RNF13: variants seen among roughly 807,000 people sequenced by gnomAD.
RNF13 encodes the protein E3 ubiquitin-protein ligase RNF13.
RNF13 carries 19 observed loss-of-function variants against 37.7 expected under a neutral mutation model. The observed-to-expected ratio is 0.50, with a 90% CI of 0.35 to 0.74. The LOEUF (loss-of-function observed/expected upper bound fraction) is 0.74. Among genes scored for constraint, RNF13 ranks in the 30% least tolerant of loss-of-function variants. The pLI is 0.01. For missense variants in RNF13, 375 were observed against 453.0 expected, an observed-to-expected ratio of 0.83 and a Z score of 1.56; for synonymous variants, 144 against 157.8, an observed-to-expected ratio of 0.91 and a Z score of 0.65.
At chr3:149,861,953 A>G (rs1192942960) in intron 3 of RNF13, among the ~76,000 whole-genome samples, 8 of 152,166 alleles carry the variant, frequency 5.3e-5, no homozygotes, top group Non-Finnish European at 1.0e-4. Flanking sequence ...TATGAAAATC[A>G]TACATAATTC....
intron 1 of RNF13, among the ~76,000 whole-genome samples, chr3:149,821,327 T>G (rs1336244944): frequency 6.6e-6 from 1 of 152,240 alleles, no homozygotes; most frequent in Non-Finnish European, 1.5e-5. Context: ...CCTACACTTA[T>G]TTTCTGTTTT....
intron 3 of RNF13, among the ~76,000 whole-genome samples, chr3:149,856,710 T>C (rs1422420499): frequency 1.3e-5 from 2 of 152,132 alleles, no homozygotes; most frequent in Non-Finnish European, 2.9e-5. Flanking sequence ...CCTAAAGTGA[T>C]GGGATTGTAG....
intron 4 of RNF13, among the ~76,000 whole-genome samples, chr3:149,884,248 CT>C (rs1713756568): frequency 6.6e-6 from 1 of 152,108 alleles, no homozygotes; most frequent in Non-Finnish European, 1.5e-5. Flanking sequence ...CAGTAAGTTA[CT>C]TGCAGATGAG....
At chr3:149,921,078 C>A in intron 7 of RNF13, 56 bp from the exon 8 acceptor site, 1 of 621,604 alleles carries the variant, frequency 1.6e-6, no homozygotes, top group Non-Finnish European at 2.6e-6. Flanking sequence ...TTTTAATGGT[C>A]ACTTTCTCTT....
chr3:149,905,615 A>C (rs773871716), intron 6 of RNF13, among the ~76,000 whole-genome samples: 33 of 151,620 alleles, frequency 2.2e-4, no homozygotes, highest in Non-Finnish European at 4.1e-4. Context: ...GTCTTAATAA[A>C]GTTTTCCCTA....
chr3:149,843,614 G>A (rs1722374344), intron 1 of RNF13, among the ~76,000 whole-genome samples: 1 of 152,198 alleles, frequency 6.6e-6, no homozygotes, highest in South Asian at 2.1e-4. Flanking sequence ...ACTGGTGACT[G>A]TTGATCCATG....
intron 1 of RNF13, chr3:149,814,217 T>C (rs890760025): frequency 6.6e-6 from 1 of 152,188 alleles, no homozygotes; most frequent in Non-Finnish European, 1.5e-5. Flanking sequence ...CTTTCAACAA[T>C]GATGTGTTTG....
At chr3:149,845,642 A>G (rs954158921) in intron 1 of RNF13, 4 of 156,182 alleles carry the variant, frequency 2.6e-5, no homozygotes, top group East Asian at 1.9e-4. Flanking sequence ...AAAATTTTCA[A>G]TTTTAAAGCA....
At chr3:149,832,607 T>TAA (rs956132877) in intron 1 of RNF13, among the ~76,000 whole-genome samples, 9 of 151,960 alleles carry the variant, frequency 5.9e-5, no homozygotes, top group African/African-American at 2.2e-4. Context: ...AATTGGTTTT[T>TAA]AAAAAAAATC....
chr3:149,946,341 TTC>T (rs1306191088), intron 8 of RNF13, among the ~76,000 whole-genome samples: 6 of 152,202 alleles, frequency 3.9e-5, no homozygotes, highest in African/African-American at 1.4e-4. Flanking sequence ...TTCAAAGAGT[TTC>T]TGTTTTGATT....
At position 149,862,217 on chromosome 3, in the gene RNF13, T is replaced by C. The variant is rs77676578; in HGVS notation, c.195+9621T>C. Among the ~76,000 whole-genome samples the C allele has an allele frequency of 5.0e-3, 760 of 152,200 alleles. 7 individuals carry two copies. The highest frequency in any genetic ancestry group is 0.017 in the African/African-American group (726 of 41,538). On this transcript the variant is annotated intron_variant, in intron 3 of 9. Transcript: ENST00000392894. ...ATAATGTAACCAATCCCTTGTGTCA[T>C]TGGACATTTAGATTGCTTTCACTTT...
Position 149,813,733 on chromosome 3 carries a change from G to C in RNF13, c.-17+380G>C, listed in dbSNP as rs546140465. The C allele has an allele frequency of 2.3e-4, 35 of 152,360 alleles. 1 individual carries two copies. The highest frequency in any genetic ancestry group is 7.9e-4 in the African/African-American group (33 of 41,550). 9.4% of individuals were successfully genotyped at this position (152,360 alleles called of 1,614,324 possible). ...TCGCTTGACTTTAGTTGAGGGGGCTGTTTTGTCTCTGAATAGAAGGAGGGC... is the reference window on the plus strand; with the variant it reads ...TCGCTTGACTTTAGTTGAGGGGGCTCTTTTGTCTCTGAATAGAAGGAGGGC... On this transcript the variant is annotated intron_variant, in intron 1 of 9. Transcript: ENST00000392894.
intron 3 of RNF13, among the ~76,000 whole-genome samples, chr3:149,869,172 C>G (rs1711699673): frequency 6.6e-6 from 1 of 151,640 alleles, no homozygotes; most frequent in Non-Finnish European, 1.5e-5. Context: ...TTTCTCAGTT[C>G]CAAAATTTGT....
At chr3:149,945,496 G>T (rs1254244026) in intron 8 of RNF13, among the ~76,000 whole-genome samples, 2 of 152,202 alleles carry the variant, frequency 1.3e-5, no homozygotes, top group Non-Finnish European at 2.9e-5. Flanking sequence ...TGGGGGCAGG[G>T]TATAGCCAAA....
intron 3 of RNF13, among the ~76,000 whole-genome samples, chr3:149,861,194 G>T (rs548752055): frequency 6.6e-6 from 1 of 151,690 alleles, no homozygotes; most frequent in East Asian, 1.9e-4. Context: ...TGTGGAAAAC[G>T]GTATGGAGAT....
At chr3:149,880,320 T>C (rs1368393771) in intron 4 of RNF13, among the ~76,000 whole-genome samples, 2 of 152,156 alleles carry the variant, frequency 1.3e-5, no homozygotes. Context: ...ATATGAATCC[T>C]ATCAGTGTCT....
chr3:149,825,798 C>T (rs1576717199), intron 1 of RNF13, among the ~76,000 whole-genome samples: 1 of 152,286 alleles, frequency 6.6e-6, no homozygotes, highest in East Asian at 1.9e-4. Context: ...TTATAATTCA[C>T]ATACAATAAA....
In RNF13 at chr3:149,961,542, T is replaced by G. The variant is rs1722429300; in HGVS notation, c.*438T>G. 3.2e-6 allele frequency: 1 copy of G among 316,740 alleles called. No individual in the cohort carries two copies. Among genetic ancestry groups the G allele is most frequent in the Non-Finnish European group, 6.1e-6 (1 of 162,834 alleles). The allele number at this position is 316,740 out of a possible 1,614,324, so 19.6% of individuals were successfully genotyped here. A position where few individuals can be genotyped will look rare whatever the true frequency, so the allele number is the denominator to read the frequency against. ...AATATGTTCTGGCATTTACCTGACC[T>G]GCCAATCATTAGGGAGAGGCAACAA... On this transcript the variant is annotated 3_prime_UTR_variant, in exon 10 of 10. Transcript: ENST00000392894.
At chr3:149,830,978 A>G (rs1278043524) in intron 1 of RNF13, among the ~76,000 whole-genome samples, 1 of 152,222 alleles carries the variant, frequency 6.6e-6, no homozygotes, top group Non-Finnish European at 1.5e-5. Context: ...CCAAGCATTG[A>G]CAGCTTCCAC....
Sources: allele counts gnomAD v4.1 joint callset (sites outside exome capture counted in the v4.1 genomes callset), GRCh38; gene constraint gnomAD v4.1.1; transcripts MANE v1.5; gene names NCBI Gene and HGNC (gene_info 2026-07-23, HGNC 2026-07-21).